CNTN1: variants seen among roughly 807,000 people sequenced by gnomAD.
The protein encoded by CNTN1 is contactin-1.
In CNTN1, 38 loss-of-function variants were observed where a neutral mutation model predicts 126.4. The ratio of observed to expected loss-of-function variants is 0.30; its 90% CI spans 0.23 to 0.39. The LOEUF is 0.39. CNTN1 is among the 10% of genes least tolerant of loss of function. The pLI is 1.00. For synonymous variants in CNTN1, 413 were observed against 422.6 expected (o/e 0.98, Z 0.28); for missense variants, 1,009 against 1,248.4 (o/e 0.81, Z 2.89).
At chr12:40,959,471 A>C (rs540591312) in intron 15 of CNTN1, among the ~76,000 whole-genome samples, 2 of 152,188 alleles carry the variant, frequency 1.3e-5, no homozygotes, top group South Asian at 4.1e-4. Flanking sequence ...GTTACACCAC[A>C]TATCTCCTAC....
chr12:40,755,224 A>AAAAAAAAAAAAAAAAG (rs1565690132), intron 1 of CNTN1, among the ~76,000 whole-genome samples: 1 of 124,184 alleles, frequency 8.1e-6, no homozygotes, highest in African/African-American at 3.1e-5. Flanking sequence ...AAAAAAAAAA[A>AAAAAAAAAAAAAAAAG]AAGAAGAAAA....
At chr12:41,013,917 CAAAAGT>C (rs1345828000) in intron 17 of CNTN1, among the ~76,000 whole-genome samples, 2 of 152,096 alleles carry the variant, frequency 1.3e-5, no homozygotes, top group Admixed American at 6.5e-5. Flanking sequence ...TCATAGGCTT[CAAAAGT>C]AAAAGTGGCA....
chr12:41,009,876 G>A (rs7974206), intron 17 of CNTN1, among the ~76,000 whole-genome samples: 3 of 152,122 alleles, frequency 2.0e-5, no homozygotes, highest in Non-Finnish European at 4.4e-5. Context: ...CTACCAGGGG[G>A]TGACAGAGTT....
At chr12:40,971,378 C>T in intron 15 of CNTN1, 1 of 1,451,542 alleles carries the variant, frequency 6.9e-7, no homozygotes, top group Non-Finnish European at 9.4e-7. Context: ...GCATGGCTTC[C>T]TGCCCCTAAT....
rs370984371 is a variant in CNTN1, at chr12:40,707,227, CTTTTTTTTTTTTTTT to C, written c.-77+14660_-77+14674del. On this transcript the variant is annotated intron_variant, in intron 1 of 23. Transcript: ENST00000551295. Reference sequence around the variant, plus strand: ...TTCCTCTTTCATTTCTTTTCTTTTTCTTTTTTTTTTTTTTTTTTTTTTTTTTTTTTTTTTTTTTTG... The same window carrying C: ...TTCCTCTTTCATTTCTTTTCTTTTTCTTTTTTTTTTTTTTTTTTTTTTTTG... Among the ~76,000 whole-genome samples the C allele has an allele frequency of 1.4e-3, 148 of 109,168 alleles. 1 individual carries two copies. Among genetic ancestry groups the C allele is most frequent in the East Asian group, 0.011 (41 of 3,764 alleles). The allele number at this position is 109,168 out of a possible 152,430, so 71.6% of individuals were successfully genotyped here.
chr12:40,785,078 G>A (rs1375890442), intron 1 of CNTN1, among the ~76,000 whole-genome samples: 1 of 152,076 alleles, frequency 6.6e-6, no homozygotes, highest in African/African-American at 2.4e-5. Flanking sequence ...GCTAACAAAA[G>A]CATGACAGGA....
chr12:40,759,924 A>C (rs1248318659), intron 1 of CNTN1, among the ~76,000 whole-genome samples: 1 of 152,046 alleles, frequency 6.6e-6, no homozygotes, highest in East Asian at 1.9e-4. Context: ...CTGAGAACAC[A>C]AGAGTAGGTG....
chr12:40,698,911 T>C (rs1397724319), intron 1 of CNTN1, among the ~76,000 whole-genome samples: 1 of 152,172 alleles, frequency 6.6e-6, no homozygotes, highest in East Asian at 1.9e-4. Context: ...TGCATCTTGT[T>C]TCCTCTTTTC....
At chr12:40,865,589 A>G (rs1475471109) in intron 1 of CNTN1, among the ~76,000 whole-genome samples, 1 of 151,998 alleles carries the variant, frequency 6.6e-6, no homozygotes, top group Non-Finnish European at 1.5e-5. Flanking sequence ...AGTACCATAT[A>G]CTCATTGAAC....
intron 2 of CNTN1, among the ~76,000 whole-genome samples, 153 bp from the exon 3 acceptor site, chr12:40,909,920 G>A (rs1288618612): frequency 6.6e-6 from 1 of 151,980 alleles, no homozygotes; most frequent in Non-Finnish European, 1.5e-5. Flanking sequence ...TAAGAAATAA[G>A]TATCTGCACA....
chr12:40,827,063 A>G (rs1327189474), intron 1 of CNTN1, among the ~76,000 whole-genome samples: 3 of 152,218 alleles, frequency 2.0e-5, no homozygotes, highest in Non-Finnish European at 4.4e-5. Context: ...GCTGGTTTAC[A>G]TGAATCTCCC....
intron 20 of CNTN1, among the ~76,000 whole-genome samples, chr12:41,023,323 G>A (rs1318925214): frequency 6.6e-6 from 1 of 152,188 alleles, no homozygotes; most frequent in Non-Finnish European, 1.5e-5. Context: ...TGAATTTAAA[G>A]ACAATCTCTT....
At chr12:41,053,291 A>T (rs1423223250) in intron 23 of CNTN1, among the ~76,000 whole-genome samples, 1 of 150,620 alleles carries the variant, frequency 6.6e-6, no homozygotes, top group Admixed American at 6.6e-5. Flanking sequence ...TAGAGTCACT[A>T]TGAATGGCTG....
intron 1 of CNTN1, among the ~76,000 whole-genome samples, chr12:40,693,299 C>T (rs1485260000): frequency 5.9e-5 from 9 of 152,184 alleles, no homozygotes; most frequent in Non-Finnish European, 1.2e-4. Context: ...GCGCTGTCTA[C>T]GGGAACCACC....
At chr12:40,912,810 A>G (rs7309918) in intron 3 of CNTN1, among the ~76,000 whole-genome samples, 63,264 of 152,036 alleles carry the variant, frequency 0.42, 13,450 homozygotes, top group African/African-American at 0.5. Flanking sequence ...GACATTTTAT[A>G]GCAGTCAGTG....
intron 1 of CNTN1, among the ~76,000 whole-genome samples, chr12:40,867,300 G>T (rs1943330079): frequency 6.6e-6 from 1 of 152,084 alleles, no homozygotes; most frequent in Non-Finnish European, 1.5e-5. Flanking sequence ...AAATGGTGGG[G>T]CAGGGGAAAG....
chr12:40,753,140 C>T (rs997802617), intron 1 of CNTN1, among the ~76,000 whole-genome samples: 8 of 152,110 alleles, frequency 5.3e-5, no homozygotes, highest in Admixed American at 6.6e-5. Context: ...CTCTGAAGCT[C>T]TAGTAATTTT....
chr12:40,760,619 A>AT (rs1938821281), intron 1 of CNTN1, among the ~76,000 whole-genome samples: 3 of 152,240 alleles, frequency 2.0e-5, no homozygotes, highest in Admixed American at 1.3e-4. Context: ...ATTTCATATT[A>AT]TTTTGTGATT....
intron 1 of CNTN1, among the ~76,000 whole-genome samples, chr12:40,693,043 G>A (rs887141012): frequency 2.6e-5 from 4 of 152,218 alleles, no homozygotes; most frequent in Admixed American, 6.5e-5. Flanking sequence ...CTGGGCGCCT[G>A]GCTAGCGCAT....
Sources: gnomAD v4.1 joint callset for allele counts (sites outside exome capture counted in the v4.1 genomes callset) on GRCh38, gnomAD v4.1.1 for gene constraint, MANE v1.5 for transcripts, NCBI Gene and HGNC (gene_info 2026-07-23, HGNC 2026-07-21) for gene names.